Variants in PCMTD1 observed in about 807,000 individuals in gnomAD.
The protein encoded by PCMTD1 is protein-L-isoaspartate O-methyltransferase domain-containing protein 1.
A neutral mutation model predicts 37.6 loss-of-function variants in PCMTD1; 12 were observed. The ratio of observed to expected loss-of-function variants is 0.32; its 90% CI spans 0.20 to 0.52. The LOEUF (loss-of-function observed/expected upper bound fraction) is 0.52, where lower values mean the gene tolerates loss of function less well. PCMTD1 is among the 20% of genes least tolerant of loss of function. PCMTD1 has a pLI of 0.97. For synonymous variants in PCMTD1, 117 were observed against 135.8 expected, an observed-to-expected ratio of 0.86 and a Z score of 0.96; for missense variants, 235 against 421.3, an observed-to-expected ratio of 0.56 and a Z score of 3.87.
chr8:51,828,361 A>G (rs1563335960), intron 5 of PCMTD1, among the ~76,000 whole-genome samples: 1 of 152,232 alleles, frequency 6.6e-6, no homozygotes, highest in Non-Finnish European at 1.5e-5. Flanking sequence ...TATTGTTGCA[A>G]GAAGTAGGGA....
At position 51,899,032 on chromosome 8, in the gene PCMTD1, C is replaced by G; in HGVS notation, c.-198G>C. 3.3e-6 allele frequency: 5 copies of G among 1,511,632 alleles called. No individual in the cohort carries two copies. The highest frequency in any genetic ancestry group is 4.4e-6 in the Non-Finnish European group (5 of 1,136,894). 93.6% of individuals were successfully genotyped at this position (1,511,632 alleles called of 1,614,324 possible). ...ACAATAACAACACGGACGCCACCGC[C>G]GAGTGGAGAGGCGGGGCCCGGACCC... On this transcript the variant is annotated 5_prime_UTR_variant, in exon 1 of 6. Coordinates refer to ENST00000522514, the MANE Select transcript of PCMTD1 (RefSeq NM_052937.4).
At chr8:51,881,828 C>G (rs940927417) in intron 1 of PCMTD1, among the ~76,000 whole-genome samples, 3 of 152,168 alleles carry the variant, frequency 2.0e-5, no homozygotes, top group Admixed American at 2.0e-4. Context: ...AGTGCATTAT[C>G]TAATCTGAGC....
chr8:51,846,505 A>G (rs918696671), intron 2 of PCMTD1, among the ~76,000 whole-genome samples: 1 of 152,188 alleles, frequency 6.6e-6, no homozygotes, highest in Non-Finnish European at 1.5e-5. Context: ...AACCTGCCCC[A>G]TGACCCACAT....
intron 1 of PCMTD1, among the ~76,000 whole-genome samples, chr8:51,889,032 T>C (rs928202171): frequency 6.6e-6 from 1 of 152,220 alleles, no homozygotes; most frequent in Non-Finnish European, 1.5e-5. Flanking sequence ...ATGGTGGGTC[T>C]AGTGTGACTC....
intron 1 of PCMTD1, among the ~76,000 whole-genome samples, chr8:51,889,154 G>A (rs1309087956): frequency 6.6e-6 from 1 of 152,150 alleles, no homozygotes; most frequent in Non-Finnish European, 1.5e-5. Context: ...AGAGCATGAG[G>A]TTATCAGTCC....
In PCMTD1 at chr8:51,896,638, T is replaced by C. The variant is rs79021039; in HGVS notation, c.-96+2292A>G. On this transcript the variant is annotated intron_variant, in intron 1 of 5. Transcript: ENST00000522514. ...GGTTAACAGCATAAGATCAAGGAGTTTAAAATTTTAGTAATATGCCACCAG... is the reference window on the plus strand; with the variant it reads ...GGTTAACAGCATAAGATCAAGGAGTCTAAAATTTTAGTAATATGCCACCAG... 4.3e-3 allele frequency among the ~76,000 whole-genome samples: 658 copies of C among 152,264 alleles called. 4 individuals are homozygous for C. The highest frequency in any genetic ancestry group is 7.9e-3 in the Non-Finnish European group (536 of 68,012).
intron 5 of PCMTD1, among the ~76,000 whole-genome samples, chr8:51,829,665 G>A (rs2037971856): frequency 6.6e-6 from 1 of 152,136 alleles, no homozygotes. Flanking sequence ...AGCTACTCAG[G>A]AGGCCGAGGC....
intron 4 of PCMTD1, 139 bp from the exon 5 acceptor site, chr8:51,831,706 AT>A (rs2038000857): frequency 1.3e-6 from 1 of 765,012 alleles, no homozygotes; most frequent in Admixed American, 3.5e-5. Context: ...GACCAAATTA[AT>A]TCCATTTAAA....
At chr8:51,821,344 G>A (rs2037846005) in intron 5 of PCMTD1, among the ~76,000 whole-genome samples, 1 of 152,094 alleles carries the variant, frequency 6.6e-6, no homozygotes, top group Non-Finnish European at 1.5e-5. Context: ...TCACTATATT[G>A]CCTAGGCAGG....
chr8:51,890,474 G>A (rs2038921650), intron 1 of PCMTD1, among the ~76,000 whole-genome samples: 1 of 152,062 alleles, frequency 6.6e-6, no homozygotes, highest in African/African-American at 2.4e-5. Flanking sequence ...TTAGAATACC[G>A]AGACTTACAG....
Position 51,837,505 on chromosome 8 carries a change from A to G in PCMTD1, c.411-3816T>C, listed in dbSNP as rs569117500. 3.6e-4 allele frequency among the ~76,000 whole-genome samples: 55 copies of G among 152,310 alleles called. No homozygotes were observed. In the Middle Eastern group the frequency reaches 0.01, roughly 28 times the overall value. Reference sequence around the variant, plus strand: ...AACTCATCTGCCAAACACACTACAAAGAAAACTGTAACACTACCAATTTTA... The same window carrying G: ...AACTCATCTGCCAAACACACTACAAGGAAAACTGTAACACTACCAATTTTA... On this transcript the variant is annotated intron_variant, in intron 3 of 5. Coordinates refer to ENST00000522514, the MANE Select transcript of PCMTD1 (RefSeq NM_052937.4).
At chr8:51,836,023 GA>G (rs1438188018) in intron 3 of PCMTD1, among the ~76,000 whole-genome samples, 1 of 152,168 alleles carries the variant, frequency 6.6e-6, no homozygotes, top group Non-Finnish European at 1.5e-5. Flanking sequence ...CAATGACTGA[GA>G]ATACAATGGG....
intron 3 of PCMTD1, 62 bp from the exon 4 acceptor site, chr8:51,833,751 C>T: frequency 1.4e-6 from 2 of 1,386,690 alleles, no homozygotes; most frequent in African/African-American, 2.8e-5. Context: ...AAAAATTTAC[C>T]ATAATCCAGT....
chr8:51,824,935 C>A (rs140638912), intron 5 of PCMTD1, among the ~76,000 whole-genome samples: 3,770 of 152,208 alleles, frequency 0.025, 161 homozygotes, highest in African/African-American at 0.085. Flanking sequence ...CAAAAACAAG[C>A]AATGGTGAAA....
At chr8:51,857,547 C>T (rs978866146) in intron 2 of PCMTD1, among the ~76,000 whole-genome samples, 3 of 151,822 alleles carry the variant, frequency 2.0e-5, no homozygotes, top group African/African-American at 7.3e-5. Flanking sequence ...AAATACAGGA[C>T]GTGGGAGGCT....
intron 2 of PCMTD1, chr8:51,849,752 A>G: frequency 3.7e-6 from 1 of 272,628 alleles, no homozygotes; most frequent in Non-Finnish European, 6.9e-6. Context: ...CAATTAGTCA[A>G]GAACCCAAGC....
chr8:51,877,660 A>G (rs1269506554), intron 1 of PCMTD1, among the ~76,000 whole-genome samples: 1 of 152,162 alleles, frequency 6.6e-6, no homozygotes, highest in Non-Finnish European at 1.5e-5. Context: ...TTTACTTTTC[A>G]TAGGCCAAAC....
At chr8:51,851,317 T>C (rs2038304134) in intron 2 of PCMTD1, among the ~76,000 whole-genome samples, 1 of 152,224 alleles carries the variant, frequency 6.6e-6, no homozygotes, top group East Asian at 1.9e-4. Context: ...TCTTTTATCA[T>C]ACATGAATCT....
At chr8:51,852,899 T>C (rs957384958) in intron 2 of PCMTD1, among the ~76,000 whole-genome samples, 1 of 152,172 alleles carries the variant, frequency 6.6e-6, no homozygotes, top group African/African-American at 2.4e-5. Context: ...AAAAGAATTG[T>C]TGGGGACAGG....
Sources: allele counts gnomAD v4.1 joint callset (sites outside exome capture counted in the v4.1 genomes callset), GRCh38; gene constraint gnomAD v4.1.1; transcripts MANE v1.5; gene names NCBI Gene and HGNC (gene_info 2026-07-23, HGNC 2026-07-21).